Variants in NDUFS1 observed in about 807,000 individuals in gnomAD.
NDUFS1 encodes the protein NADH-ubiquinone oxidoreductase 75 kDa subunit, mitochondrial.
NDUFS1 carries 61 observed loss-of-function variants against 84.4 expected under a neutral mutation model. The observed-to-expected ratio is 0.72, with a 90% CI of 0.59 to 0.89. The LOEUF (loss-of-function observed/expected upper bound fraction) is 0.89, where lower values mean the gene tolerates loss of function less well. Among genes scored for constraint, NDUFS1 ranks in the 40% least tolerant of loss-of-function variants. The pLI is 0.00. For synonymous variants in NDUFS1, 275 were observed against 290.0 expected, an observed-to-expected ratio of 0.95 and a Z score of 0.53; for missense variants, 891 against 890.0, an observed-to-expected ratio of 1.00 and a Z score of -0.01.
chr2:206,145,457 A>T (rs761684614), intron 8 of NDUFS1, among the ~76,000 whole-genome samples: 1 of 152,170 alleles, frequency 6.6e-6, no homozygotes, highest in Non-Finnish European at 1.5e-5. Context: ...TTCCTGGCAC[A>T]GTAAGGAAGG....
At chr2:206,152,107 C>T (rs905059671) in intron 3 of NDUFS1, among the ~76,000 whole-genome samples, 19 of 152,120 alleles carry the variant, frequency 1.2e-4, no homozygotes, top group East Asian at 3.9e-4. Context: ...ATGATCCGCC[C>T]GCCTCGGCCT....
intron 14 of NDUFS1, among the ~76,000 whole-genome samples, chr2:206,130,955 T>G (rs1206078759): frequency 6.6e-6 from 1 of 152,192 alleles, no homozygotes; most frequent in African/African-American, 2.4e-5. Flanking sequence ...AAACTGTAAT[T>G]CAGCAAAAAC....
At chr2:206,140,464 C>A (rs1691894059) in intron 12 of NDUFS1, among the ~76,000 whole-genome samples, 1 of 151,938 alleles carries the variant, frequency 6.6e-6, no homozygotes, top group African/African-American at 2.4e-5. Context: ...AAACTGAGAT[C>A]TCAGAAACCA....
chr2:206,158,273 A>C (rs1687755048), intron 1 of NDUFS1, among the ~76,000 whole-genome samples: 1 of 152,134 alleles, frequency 6.6e-6, no homozygotes, highest in South Asian at 2.1e-4. Context: ...TCAATAGCTT[A>C]ACAGGTCACC....
intron 16 of NDUFS1, among the ~76,000 whole-genome samples, chr2:206,127,047 A>G (rs1238148185): frequency 6.6e-6 from 1 of 152,262 alleles, no homozygotes; most frequent in Non-Finnish European, 1.5e-5. Flanking sequence ...AGCTGTCAGT[A>G]CATTAGTGAC....
rs1212239511 is a variant in NDUFS1 at position 206,126,592 on chromosome 2, A to C, written c.2039T>G (p.Leu680Arg). 1 of 1,614,080 alleles carries C rather than the reference A, an allele frequency of 6.2e-7. No individual in the cohort carries two copies. Among genetic ancestry groups the C allele is most frequent in the African/African-American group, 1.3e-5 (1 of 74,934 alleles). ...ELSKLVNQQL[L>R]ADPLVPPQLT... The stretch of plus-strand genomic sequence containing the variant: ...CTGAGGTGGAACAAGTGGGTCAGCA[A>C]GAAGCTGCTGGTTCACTAGCTGCAC... The change falls in exon 18 of 19, where the codon CTT (leucine) becomes CGT (arginine). Residue 680 changes from leucine to arginine, a missense_variant. Leu to Arg is a moderately radical substitution (Grantham distance 102). Coordinates refer to ENST00000233190, the MANE Select transcript of NDUFS1 (RefSeq NM_005006.7).
In NDUFS1 at chr2:206,142,792, C is replaced by G; in HGVS notation, c.1027G>C (p.Gly343Arg). 1 of 1,614,190 alleles carries G rather than the reference C, an allele frequency of 6.2e-7. No homozygotes were observed. Among genetic ancestry groups the G allele is most frequent in the Non-Finnish European group, 8.5e-7 (1 of 1,180,042 alleles). ...AGGGCTTCAGCATCCACCAAGCCAC[C>G]TGCAATTGCTGCCACATCTTTGCCT... ...FQGKDVAAIA[G>R]GLVDAEALVA... is the part of the protein sequence containing the mutation. Residue 343 changes from glycine to arginine, a missense_variant, in exon 11 of 19, where the codon GGT (glycine) becomes CGT (arginine). By Grantham distance (125) the Gly-to-Arg change is moderately radical. Coordinates refer to ENST00000233190, the MANE Select transcript of NDUFS1 (RefSeq NM_005006.7).
At chr2:206,146,533 A>C (rs747755028) in intron 8 of NDUFS1, among the ~76,000 whole-genome samples, 1 of 152,224 alleles carries the variant, frequency 6.6e-6, no homozygotes, top group African/African-American at 2.4e-5. Flanking sequence ...ATCATAAAGA[A>C]ATATACAAGC....
At chr2:206,147,199 T>C in intron 7 of NDUFS1, 111 bp from the exon 8 acceptor site, 1 of 1,097,976 alleles carries the variant, frequency 9.1e-7, no homozygotes, top group South Asian at 1.3e-5. Flanking sequence ...AATGAGTATA[T>C]TTTTAAAGGT....
intron 14 of NDUFS1, among the ~76,000 whole-genome samples, chr2:206,131,237 G>A (rs1270643209): frequency 1.3e-5 from 2 of 152,080 alleles, no homozygotes; most frequent in Non-Finnish European, 2.9e-5. Flanking sequence ...ATCCTAAGAA[G>A]ATAATTTCAA....
intron 3 of NDUFS1, among the ~76,000 whole-genome samples, chr2:206,151,839 A>G (rs1339483809): frequency 2.0e-5 from 3 of 152,206 alleles, no homozygotes; most frequent in African/African-American, 7.2e-5. Context: ...AAACTTACCT[A>G]TAGTAACTAA....
At chr2:206,147,221 T>A in intron 7 of NDUFS1, 133 bp from the exon 8 acceptor site, 2 of 929,792 alleles carry the variant, frequency 2.2e-6, no homozygotes, top group Non-Finnish European at 1.7e-6. Flanking sequence ...AGCACAGTCC[T>A]AGAATAAAAA....
At chr2:206,129,930 A>G (rs1052444323) in intron 15 of NDUFS1, among the ~76,000 whole-genome samples, 158 bp downstream of exon 15, 1 of 152,094 alleles carries the variant, frequency 6.6e-6, no homozygotes, top group African/African-American at 2.4e-5. Flanking sequence ...TATGTAACTA[A>G]TAACACTTGT....
At chr2:206,148,991 G>C (rs775103939) in intron 5 of NDUFS1, 29 bp downstream of exon 5, 7 of 1,494,968 alleles carry the variant, frequency 4.7e-6, no homozygotes, top group Non-Finnish European at 5.6e-6. Context: ...CTTTATGAAA[G>C]GGTACTACAT....
In NDUFS1 at chr2:206,121,987, T is replaced by C. The variant is rs1324919593; in HGVS notation, c.*2198A>G. On this transcript the variant is annotated 3_prime_UTR_variant, in exon 19 of 19. Transcript: ENST00000233190. ...GCTAAGAGGTAAGAGATGGGAAGTT[T>C]GTATTAAGTTCAAACACTTTTGGCA... 1 of 152,174 alleles carries C rather than the reference T, an allele frequency of 6.6e-6. No individual in the cohort carries two copies. The highest frequency in any genetic ancestry group is 2.4e-5 in the African/African-American group (1 of 41,446). 9.4% of individuals were successfully genotyped at this position (152,174 alleles called of 1,614,324 possible).
At position 206,149,072 on chromosome 2, in the gene NDUFS1, C is replaced by T. The variant is rs1374809667; in HGVS notation, c.286G>A (p.Val96Ile). 1 of 1,612,728 alleles carries T rather than the reference C, an allele frequency of 6.2e-7. No individual in the cohort carries two copies. Among genetic ancestry groups the T allele is most frequent in the Non-Finnish European group, 8.5e-7 (1 of 1,179,562 alleles). Residue 96 changes from valine (V) to isoleucine (I), a missense_variant, in exon 5 of 19, where the codon GTA becomes ATA. Physicochemically the swap from Val to Ile is conservative, Grantham distance 29. Transcript: ENST00000233190. ...GTTAGGATATTCCAACCCTTCATTA[C>T]TGGCATGGCACAAGCAGCTACAACC... ...PKVVAACAMPVMKGWNILTNS... is the reference protein window; with the variant it reads ...PKVVAACAMPIMKGWNILTNS...
At chr2:206,127,200 T>C (rs1432463189) in intron 16 of NDUFS1, among the ~76,000 whole-genome samples, 1 of 152,234 alleles carries the variant, frequency 6.6e-6, no homozygotes, top group East Asian at 1.9e-4. Flanking sequence ...ACAGATGTAT[T>C]TTCAGGCAAA....
chr2:206,135,475 C>T (rs981426233), intron 13 of NDUFS1, among the ~76,000 whole-genome samples: 3 of 151,970 alleles, frequency 2.0e-5, no homozygotes, highest in Non-Finnish European at 4.4e-5. Context: ...GAGATTGAGA[C>T]CATCCTGGCC....
intron 11 of NDUFS1, among the ~76,000 whole-genome samples, 166 bp from the exon 12 acceptor site, chr2:206,142,235 TAG>T (rs1691990962): frequency 6.6e-6 from 1 of 152,128 alleles, no homozygotes; most frequent in African/African-American, 2.4e-5. Context: ...TTTTCTCAGA[TAG>T]AGTCTCACTC....
Sources: allele counts gnomAD v4.1 joint callset (sites outside exome capture counted in the v4.1 genomes callset), GRCh38; gene constraint gnomAD v4.1.1; transcripts MANE v1.5; gene names NCBI Gene and HGNC (gene_info 2026-07-23, HGNC 2026-07-21).